Variants in SOHLH2 observed in about 807,000 individuals in gnomAD.
SOHLH2 encodes the protein spermatogenesis- and oogenesis-specific basic helix-loop-helix-containing protein 2.
Under a neutral mutation model 50.4 loss-of-function variants are expected in SOHLH2, and 22 were observed. The ratio of observed to expected loss-of-function variants is 0.44; its 90% CI spans 0.31 to 0.62. SOHLH2 has a LOEUF of 0.62. SOHLH2 is among the 20% of genes least tolerant of loss of function. The pLI, the probability that SOHLH2 is intolerant of heterozygous loss-of-function variation, is 0.08. For missense variants in SOHLH2, 412 were observed against 504.4 expected (o/e 0.82, Z 1.76); for synonymous variants, 185 against 187.3 (o/e 0.99, Z 0.10).
intron 1 of SOHLH2, among the ~76,000 whole-genome samples, chr13:36,211,988 T>C (rs1482715217): frequency 6.6e-6 from 1 of 152,170 alleles, no homozygotes; most frequent in Non-Finnish European, 1.5e-5. Context: ...TTTCCCTAGC[T>C]AGCACATGGC....
At position 36,193,291 on chromosome 13, in the gene SOHLH2, T is replaced by C. The variant is rs368522356; in HGVS notation, c.430+330A>G. On this transcript the variant is annotated intron_variant, in intron 4 of 10. Coordinates refer to ENST00000379881, the MANE Select transcript of SOHLH2 (RefSeq NM_017826.3). ...CAATACAATTGTAGGTTAGGGCCCC[T>C]GGCTTTTAGATAATCACACAATGAC... is the stretch of plus-strand genomic sequence containing the variant. Among the ~76,000 whole-genome samples the C allele has an allele frequency of 2.0e-5, 3 of 152,332 alleles. No individual in the cohort carries two copies. The East Asian group carries it at 5.8e-4, about 29-fold the overall frequency.
intron 1 of SOHLH2, among the ~76,000 whole-genome samples, chr13:36,205,995 T>C (rs149748270): frequency 6.6e-6 from 1 of 151,876 alleles, no homozygotes; most frequent in African/African-American, 2.4e-5. Context: ...AATTTTAAAA[T>C]ATATATATAA....
At chr13:36,195,276 G>T (rs1457653248) in intron 2 of SOHLH2, among the ~76,000 whole-genome samples, 1 of 152,190 alleles carries the variant, frequency 6.6e-6, no homozygotes, top group East Asian at 1.9e-4. Flanking sequence ...AAAAGGCTGG[G>T]GAGAGGGGGA....
rs142206407 is a variant in SOHLH2 at position 36,211,721 on chromosome 13, G to A, written c.48+2758C>T. On this transcript the variant is annotated intron_variant, in intron 1 of 10. Coordinates refer to ENST00000379881, the MANE Select transcript of SOHLH2 (RefSeq NM_017826.3). ...TCGTCTGAAGGATCAAAATGCTTAC[G>A]TTGCAAGAATGTTATGAGAAGTGTT... is the stretch of plus-strand genomic sequence containing the variant. Among the ~76,000 whole-genome samples, 908 of 152,310 alleles carry A rather than the reference G, an allele frequency of 6.0e-3. 6 individuals are homozygous for A. Among genetic ancestry groups the A allele is most frequent in the Admixed American group, 1.0e-2 (153 of 15,302 alleles).
chr13:36,173,910 C>T, intron 8 of SOHLH2, 100 bp from the exon 9 acceptor site: 3 of 1,315,218 alleles, frequency 2.3e-6, no homozygotes, highest in Non-Finnish European at 3.2e-6. Flanking sequence ...TCTAAAAACA[C>T]TGATAAAGCC....
chr13:36,173,856 A>G (rs1887030235), intron 8 of SOHLH2, 46 bp from the exon 9 acceptor site: 1 of 1,606,254 alleles, frequency 6.2e-7, no homozygotes, highest in African/African-American at 1.3e-5. Flanking sequence ...CAAGGAAAAC[A>G]ATGTGGACAC....
intron 6 of SOHLH2, among the ~76,000 whole-genome samples, chr13:36,177,471 T>C (rs1479638960): frequency 1.3e-5 from 2 of 152,092 alleles, no homozygotes; most frequent in East Asian, 3.9e-4. Flanking sequence ...TATAAGTTTA[T>C]AAAAACAGGC....
intron 10 of SOHLH2, among the ~76,000 whole-genome samples, chr13:36,169,655 T>C (rs1886909264): frequency 6.6e-6 from 1 of 152,230 alleles, no homozygotes; most frequent in South Asian, 2.1e-4. Flanking sequence ...AAGTCCATTT[T>C]AAGTAGGCCA....
intron 6 of SOHLH2, among the ~76,000 whole-genome samples, chr13:36,185,570 A>G (rs1887393964): frequency 6.6e-6 from 1 of 152,168 alleles, no homozygotes. Flanking sequence ...AAAATCAATG[A>G]ATCAAAATCT....
At chr13:36,176,932 C>T (rs975250515) in intron 6 of SOHLH2, among the ~76,000 whole-genome samples, 3 of 151,920 alleles carry the variant, frequency 2.0e-5, no homozygotes, top group African/African-American at 7.3e-5. Flanking sequence ...AACAAAAATG[C>T]ACAATGAGTC....
chr13:36,197,556 T>A (rs898103339), intron 2 of SOHLH2, among the ~76,000 whole-genome samples: 3 of 152,108 alleles, frequency 2.0e-5, no homozygotes, highest in Non-Finnish European at 4.4e-5. Flanking sequence ...TACCTTTACT[T>A]CTCTTAGAGC....
chr13:36,187,863 C>T (rs1038992216), intron 6 of SOHLH2, among the ~76,000 whole-genome samples: 1 of 152,296 alleles, frequency 6.6e-6, no homozygotes, highest in East Asian at 1.9e-4. Flanking sequence ...TGACCTTCCT[C>T]CCACTGACAG....
At chr13:36,187,554 T>C (rs1887455188) in intron 6 of SOHLH2, among the ~76,000 whole-genome samples, 1 of 152,144 alleles carries the variant, frequency 6.6e-6, no homozygotes, top group Non-Finnish European at 1.5e-5. Context: ...TGAAGCCCTT[T>C]AGAGCCAGAG....
chr13:36,184,684 T>A (rs891011873), intron 6 of SOHLH2, among the ~76,000 whole-genome samples: 1 of 152,072 alleles, frequency 6.6e-6, no homozygotes, highest in Non-Finnish European at 1.5e-5. Context: ...GGTCTCGATC[T>A]CCTGACCTCG....
At position 36,198,743 on chromosome 13, in the gene SOHLH2, T is replaced by A. The variant is rs534292401; in HGVS notation, c.263+3136A>T. Among the ~76,000 whole-genome samples the A allele has an allele frequency of 3.3e-5, 5 of 152,326 alleles. No homozygotes were observed. In the South Asian group the frequency reaches 1.0e-3, roughly 32 times the overall value. On this transcript the variant is annotated intron_variant, in intron 2 of 10. Transcript: ENST00000379881. ...TGCTTTCATTTTATTCTAAAATAAA[T>A]CTAATATTATAGCTAACAGGCTAAA...
At chr13:36,190,787 C>T (rs892354410) in intron 5 of SOHLH2, among the ~76,000 whole-genome samples, 2 of 152,072 alleles carry the variant, frequency 1.3e-5, no homozygotes, top group Admixed American at 6.5e-5. Flanking sequence ...CTTCCAAAAC[C>T]TTTCCCAACC....
intron 6 of SOHLH2, among the ~76,000 whole-genome samples, chr13:36,179,534 G>A (rs180687888): frequency 5.9e-5 from 9 of 152,106 alleles, no homozygotes; most frequent in Admixed American, 1.3e-4. Flanking sequence ...TCAGCCTCAC[G>A]AGTAGCGGAG....
intron 2 of SOHLH2, among the ~76,000 whole-genome samples, chr13:36,194,647 A>C (rs1320923338): frequency 6.6e-6 from 1 of 152,234 alleles, no homozygotes; most frequent in Non-Finnish European, 1.5e-5. Flanking sequence ...ATAGTTCACT[A>C]AACTCAGTAC....
At chr13:36,195,594 G>A (rs1450433267) in intron 2 of SOHLH2, among the ~76,000 whole-genome samples, 5 of 152,214 alleles carry the variant, frequency 3.3e-5, no homozygotes, top group African/African-American at 1.2e-4. Flanking sequence ...AGACCACTCT[G>A]CCTATGATGG....
Sources: gnomAD v4.1 joint callset for allele counts (sites outside exome capture counted in the v4.1 genomes callset) on GRCh38, gnomAD v4.1.1 for gene constraint, MANE v1.5 for transcripts, NCBI Gene and HGNC (gene_info 2026-07-23, HGNC 2026-07-21) for gene names.